PAFAH1B2: variants seen among roughly 807,000 people sequenced by gnomAD.
PAFAH1B2 encodes the protein platelet activating factor acetylhydrolase 1b catalytic subunit 2.
In PAFAH1B2, 8 loss-of-function variants were observed where a neutral mutation model predicts 28.0. The observed-to-expected ratio is 0.29, with a 90% CI of 0.17 to 0.52. PAFAH1B2 has a LOEUF of 0.52. PAFAH1B2 is among the 20% of genes least tolerant of loss of function. The pLI is 0.97. For missense variants in PAFAH1B2, 190 were observed against 282.6 expected (o/e 0.67, Z 2.35); for synonymous variants, 104 against 103.2 (o/e 1.01, Z -0.05).
intron 5 of PAFAH1B2, among the ~76,000 whole-genome samples, chr11:117,166,627 T>C (rs1956516658): frequency 6.6e-6 from 1 of 152,194 alleles, no homozygotes; most frequent in Non-Finnish European, 1.5e-5. Context: ...ATCTATGCAA[T>C]TGGAAAAGGG....
rs71469127 is a variant in PAFAH1B2 at position 117,168,446 on chromosome 11, GTTT to G, written c.*770_*772del. 6.7e-3 allele frequency: 1,568 copies of G among 234,892 alleles called. No homozygotes were observed. The highest frequency in any genetic ancestry group is 0.022 in the South Asian group (103 of 4,784). The allele number at this position is 234,892 out of a possible 1,614,324, so 14.6% of individuals were successfully genotyped here. A position where few individuals can be genotyped will look rare whatever the true frequency, so the allele number is the denominator to read the frequency against. On this transcript the variant is annotated 3_prime_UTR_variant, in exon 6 of 6. Transcript: ENST00000527958. Reference sequence around the variant, plus strand: ...TCCCCTTCATTCCCCCCGCCACCCCGTTTTTTTTTTTTTTTTTTTTTTTTTGGT... The same window carrying G: ...TCCCCTTCATTCCCCCCGCCACCCCGTTTTTTTTTTTTTTTTTTTTTTGGT...
intron 5 of PAFAH1B2, among the ~76,000 whole-genome samples, chr11:117,164,276 A>G (rs768475738): frequency 2.6e-4 from 40 of 152,162 alleles, no homozygotes; most frequent in Middle Eastern, 3.4e-3. Flanking sequence ...GTGTGGTGGC[A>G]GGCGCCTGTA....
chr11:117,158,079 A>G (rs914496460), intron 2 of PAFAH1B2, among the ~76,000 whole-genome samples: 1 of 152,218 alleles, frequency 6.6e-6, no homozygotes, highest in Non-Finnish European at 1.5e-5. Flanking sequence ...TGGAGGTTGC[A>G]GTGAGCTAAG....
chr11:117,164,642 T>C (rs895773607), intron 5 of PAFAH1B2, among the ~76,000 whole-genome samples: 17 of 152,336 alleles, frequency 1.1e-4, no homozygotes, highest in Non-Finnish European at 1.5e-4. Context: ...ATGGATACTT[T>C]ATAGTTGTAC....
chr11:117,161,382 C>A (rs1314971238), intron 4 of PAFAH1B2, 121 bp downstream of exon 4: 4 of 594,066 alleles, frequency 6.7e-6, no homozygotes, highest in African/African-American at 3.9e-5. Context: ...TTTTTCGTGC[C>A]TCTTTAAGGT....
In PAFAH1B2 at chr11:117,149,430, G is replaced by GTTTTGTTTTTTTTT. The variant is rs1956092694; in HGVS notation, c.-7-3007_-7-3006insGTTTTTTTTTTTTT. On this transcript the variant is annotated intron_variant, in intron 1 of 5. Coordinates refer to ENST00000527958, the MANE Select transcript of PAFAH1B2 (RefSeq NM_002572.4). ...TTAATTTAAAAAAAGTTTTCTAATC[G>GTTTTGTTTTTTTTT]TTTTTTTTTTTTTTGAGATGGAGTC... is the stretch of plus-strand genomic sequence containing the variant. Among the ~76,000 whole-genome samples, 6 of 86,050 alleles carry GTTTTGTTTTTTTTT rather than the reference G, an allele frequency of 7.0e-5. 1 individual carries two copies. The highest frequency in any genetic ancestry group is 9.3e-5 in the African/African-American group (2 of 21,568). The allele number at this position is 86,050 out of a possible 152,430, so 56.5% of individuals were successfully genotyped here.
chr11:117,169,376 C>T lies in PAFAH1B2; in HGVS notation c.*1677C>T, dbSNP rs943922664. 2 of 1,050,774 alleles carry T rather than the reference C, an allele frequency of 1.9e-6. No homozygotes were observed. Among genetic ancestry groups the T allele is most frequent in the South Asian group, 4.6e-5 (1 of 21,850 alleles). 65.1% of individuals were successfully genotyped at this position (1,050,774 alleles called of 1,614,324 possible). On this transcript the variant is annotated 3_prime_UTR_variant, in exon 6 of 6. Transcript: ENST00000527958. ...AAACTGGATCTATAGATATTTTGAA[C>T]TGGACCAGGTGGGTATTGAAGTAAC...
chr11:117,171,130 A>G, downstream of PAFAH1B2: 1 of 887,828 alleles, frequency 1.1e-6, no homozygotes, highest in Non-Finnish European at 1.4e-6. Flanking sequence ...TATCATAAGG[A>G]AATTGGATAC....
At chr11:117,174,943 G>A, downstream of PAFAH1B2, 6 of 1,519,818 alleles carry the variant, frequency 3.9e-6, no homozygotes, top group Non-Finnish European at 5.3e-6. Flanking sequence ...CAATACCCCT[G>A]AGCCACCTGA....
intron 2 of PAFAH1B2, among the ~76,000 whole-genome samples, chr11:117,154,854 A>T (rs1049262023): frequency 6.6e-6 from 1 of 152,226 alleles, no homozygotes; most frequent in Non-Finnish European, 1.5e-5. Flanking sequence ...TGGGAGTATG[A>T]CTGAAATAAT....
chr11:117,163,892 G>A lies in PAFAH1B2; in HGVS notation c.411G>A (p.Leu137=), dbSNP rs751963662. ...TRQPQAKIIV[L]GLLPRGEKPN... is the part of the protein sequence containing the mutation. ...AGCCACAGGCCAAAATCATTGTATT[G>A]GTATGTAGTCGTTGGTGGGTAGAGA... The change falls in exon 5 of 6, where the codon TTG becomes TTA. Residue 137 remains leucine, a splice_region_variant and synonymous_variant. Transcript: ENST00000527958. The A allele has an allele frequency of 1.2e-6, 2 of 1,613,604 alleles. No homozygotes were observed.
chr11:117,174,409 C>A (rs535899906), downstream of PAFAH1B2, among the ~76,000 whole-genome samples: 24 of 152,124 alleles, frequency 1.6e-4, no homozygotes, highest in African/African-American at 5.5e-4. Context: ...GTCTCAAACT[C>A]CTGACCTCAG....
At chr11:117,174,573 G>A (rs943868894), downstream of PAFAH1B2, among the ~76,000 whole-genome samples, 1 of 151,832 alleles carries the variant, frequency 6.6e-6, no homozygotes, top group African/African-American at 2.4e-5. Context: ...CTGCCTCCCA[G>A]GTTCAAGCGA....
At chr11:117,175,150 C>A, downstream of PAFAH1B2, 1 of 1,180,972 alleles carries the variant, frequency 8.5e-7, no homozygotes, top group South Asian at 3.4e-5. Context: ...CCACCCTGAC[C>A]GCTTGAGGGC....
intron 1 of PAFAH1B2, among the ~76,000 whole-genome samples, chr11:117,149,153 G>C (rs919911977): frequency 6.6e-6 from 1 of 150,866 alleles, no homozygotes; most frequent in Non-Finnish European, 1.5e-5. Context: ...AAAGTGTTAG[G>C]ATTACAGGCG....
chr11:117,176,330 G>C (rs2029983201), exon 6 of PAFAH1B2: 1 of 291,700 alleles, frequency 3.4e-6, no homozygotes, highest in African/African-American at 2.1e-5. Flanking sequence ...CATTTGCCCA[G>C]CATAACTACA....
chr11:117,172,387 TA>T (rs1956685373), downstream of PAFAH1B2, among the ~76,000 whole-genome samples: 2 of 2,176 alleles, frequency 9.2e-4, no homozygotes, highest in South Asian at 0.023. Context: ...TATATATATA[TA>T]TATATATATA....
At position 117,170,626 on chromosome 11, in the gene PAFAH1B2, TAAAAAAAA is replaced by T. The variant is rs150627380; in HGVS notation, c.*2941_*2948del. 2.9e-4 allele frequency: 279 copies of T among 948,908 alleles called. 1 individual carries two copies. In the African/African-American group the frequency reaches 3.6e-3, roughly 12 times the overall value. 58.8% of individuals were successfully genotyped at this position (948,908 alleles called of 1,614,324 possible). On this transcript the variant is annotated 3_prime_UTR_variant, in exon 6 of 6. Coordinates refer to ENST00000527958, the MANE Select transcript of PAFAH1B2 (RefSeq NM_002572.4). ...CCGGCTCTTAGGAATTTTGTCTGTT[TAAAAAAAA>T]AAAAAAAAAAAAAGTCCAACTTACT...
At chr11:117,153,332 T>A (rs1256019305) in intron 2 of PAFAH1B2, among the ~76,000 whole-genome samples, 3 of 152,092 alleles carry the variant, frequency 2.0e-5, no homozygotes, top group African/African-American at 7.2e-5. Context: ...CATTTTACCG[T>A]ATCTGCCTAA....
Sources: allele counts gnomAD v4.1 joint callset (sites outside exome capture counted in the v4.1 genomes callset), GRCh38; gene constraint gnomAD v4.1.1; transcripts MANE v1.5; gene names NCBI Gene and HGNC (gene_info 2026-07-23, HGNC 2026-07-21).